Variants in GCNT2 observed in about 807,000 individuals in gnomAD.
The protein encoded by GCNT2 is glucosaminyl (N-acetyl) transferase 2 (I blood group), also known as N-acetyllactosaminide beta-1,6-N-acetylglucosaminyl-transferase.
Under a neutral mutation model 34.2 loss-of-function variants are expected in GCNT2, and 34 were observed. The observed-to-expected ratio is 1.00, with a 90% CI of 0.76 to 1.32. The LOEUF (loss-of-function observed/expected upper bound fraction) is 1.32. Among genes scored for constraint, GCNT2 ranks in the 40% most tolerant of loss-of-function variants. GCNT2 has a pLI of 0.00. For synonymous variants in GCNT2, 212 were observed against 188.0 expected (o/e 1.13, Z -1.04); for missense variants, 584 against 489.4 (o/e 1.19, Z -1.82).
At chr6:10,565,955 C>T (rs1165802612) in intron 3 of GCNT2, among the ~76,000 whole-genome samples, 9 of 152,160 alleles carry the variant, frequency 5.9e-5, no homozygotes, top group African/African-American at 1.9e-4. Context: ...GATTCCCTTC[C>T]CCTACGGTGT....
chr6:10,569,457 G>A (rs1763438396), intron 3 of GCNT2, among the ~76,000 whole-genome samples: 1 of 151,978 alleles, frequency 6.6e-6, no homozygotes, highest in Admixed American at 6.6e-5. Context: ...AAGTAGCTGG[G>A]ATTATAAGCA....
chr6:10,534,316 A>G (rs892271168), intron 3 of GCNT2, among the ~76,000 whole-genome samples: 1 of 151,496 alleles, frequency 6.6e-6, no homozygotes, highest in African/African-American at 2.4e-5. Flanking sequence ...TAATTTTTGC[A>G]TTTTTAGTAG....
At chr6:10,574,883 T>C (rs1249115945) in intron 3 of GCNT2, 5 of 703,032 alleles carry the variant, frequency 7.1e-6, no homozygotes, top group African/African-American at 1.7e-5. Context: ...TCTTCTTTCT[T>C]TTTCTGATCG....
intron 3 of GCNT2, among the ~76,000 whole-genome samples, chr6:10,592,526 T>C (rs1199834850): frequency 6.6e-6 from 1 of 152,184 alleles, no homozygotes; most frequent in Non-Finnish European, 1.5e-5. Flanking sequence ...TTAGGCAGGT[T>C]ATAAAGTATT....
chr6:10,625,277 C>T (rs995834559), intron 4 of GCNT2, among the ~76,000 whole-genome samples: 2 of 152,168 alleles, frequency 1.3e-5, no homozygotes, highest in African/African-American at 2.4e-5. Context: ...CAAAATTAAT[C>T]TTGCTAAAAT....
intron 3 of GCNT2, among the ~76,000 whole-genome samples, chr6:10,561,995 T>C (rs1222912231): frequency 1.3e-5 from 2 of 152,214 alleles, no homozygotes; most frequent in African/African-American, 4.8e-5. Flanking sequence ...GTTAGGACTC[T>C]TTCGGTTGCA....
At chr6:10,556,272 C>G in intron 3 of GCNT2, 2 of 1,491,496 alleles carry the variant, frequency 1.3e-6, no homozygotes, top group Middle Eastern at 2.4e-4. Flanking sequence ...CAGCTGGACT[C>G]TCGGGATGAA....
chr6:10,573,648 A>G (rs1763653428), intron 3 of GCNT2, among the ~76,000 whole-genome samples: 1 of 152,246 alleles, frequency 6.6e-6, no homozygotes. Context: ...CTTAGCAAAC[A>G]GCAGGGCCAG....
chr6:10,556,687 G>A (rs1561796756), intron 3 of GCNT2: 2 of 1,614,184 alleles, frequency 1.2e-6, no homozygotes, highest in Non-Finnish European at 1.7e-6. Flanking sequence ...CTTTATCTAA[G>A]GAAGAAGCTG....
intron 3 of GCNT2, among the ~76,000 whole-genome samples, chr6:10,547,643 C>A (rs1762326063): frequency 6.6e-6 from 1 of 152,208 alleles, no homozygotes; most frequent in South Asian, 2.1e-4. Context: ...TTATTTATTA[C>A]TAAGTAGATA....
intron 3 of GCNT2, among the ~76,000 whole-genome samples, chr6:10,576,550 G>A (rs1014807875): frequency 1.1e-4 from 17 of 152,164 alleles, no homozygotes; most frequent in Middle Eastern, 3.2e-3. Context: ...ATTCAAGGAG[G>A]CTGGAATTCA....
intron 4 of GCNT2, among the ~76,000 whole-genome samples, chr6:10,622,423 A>G (rs981302319): frequency 1.3e-5 from 2 of 151,856 alleles, no homozygotes; most frequent in Admixed American, 1.3e-4. Context: ...GTGTTCCCAC[A>G]TGGTCTTCCC....
chr6:10,541,372 T>C (rs2113587965), intron 3 of GCNT2, among the ~76,000 whole-genome samples: 1 of 152,346 alleles, frequency 6.6e-6, no homozygotes, highest in East Asian at 1.9e-4. Flanking sequence ...CATAATATTC[T>C]ATGGCGTATA....
At chr6:10,600,889 T>TAAGC (rs2127427179) in intron 3 of GCNT2, among the ~76,000 whole-genome samples, 1 of 152,176 alleles carries the variant, frequency 6.6e-6, no homozygotes, top group African/African-American at 2.4e-5. Context: ...CTCCCAGGCT[T>TAAGC]AAGCAATCCT....
intron 3 of GCNT2, chr6:10,574,625 C>T (rs942012330): frequency 9.1e-5 from 20 of 220,560 alleles, no homozygotes; most frequent in Non-Finnish European, 1.7e-4. Context: ...GAGCAGAGAT[C>T]AGTGAACTAT....
At chr6:10,559,072 CTTTT>C (rs55637072) in intron 3 of GCNT2, among the ~76,000 whole-genome samples, 13 of 122,502 alleles carry the variant, frequency 1.1e-4, no homozygotes, top group Non-Finnish European at 2.0e-4. Flanking sequence ...TAAATTGTTG[CTTTT>C]TTTTTTTTTT....
At chr6:10,556,479 T>G (rs1188419643) in intron 3 of GCNT2, 3 of 1,614,208 alleles carry the variant, frequency 1.9e-6, no homozygotes, top group South Asian at 2.2e-5. Flanking sequence ...GTAATTATTT[T>G]TATCGTCTTC....
chr6:10,592,410 G>C (rs1222977389), intron 3 of GCNT2, among the ~76,000 whole-genome samples: 6 of 152,156 alleles, frequency 3.9e-5, no homozygotes, highest in Admixed American at 1.3e-4. Context: ...AGTAATTCAG[G>C]TAGGATCACA....
At chr6:10,524,839 A>C (rs190989868) in intron 1 of GCNT2, among the ~76,000 whole-genome samples, 2,389 of 131,166 alleles carry the variant, frequency 0.018, 36 homozygotes, top group Non-Finnish European at 0.029. Flanking sequence ...CCCACCCCCC[A>C]AAAAAAAGAA....
Sources: allele counts gnomAD v4.1 joint callset (sites outside exome capture counted in the v4.1 genomes callset), GRCh38; gene constraint gnomAD v4.1.1; transcripts MANE v1.5; gene names NCBI Gene and HGNC (gene_info 2026-07-23, HGNC 2026-07-21).